The following MARCHF1 variants were observed in gnomAD, a reference collection of about 807,000 sequenced individuals.
The protein encoded by MARCHF1 is membrane associated ring-CH-type finger 1.
Under a neutral mutation model 54.2 loss-of-function variants are expected in MARCHF1, and 40 were observed. The ratio of observed to expected loss-of-function variants is 0.74; its 90% CI spans 0.57 to 0.96. The LOEUF is 0.96. Among genes scored for constraint, MARCHF1 ranks in the 40% least tolerant of loss-of-function variants. MARCHF1 has a pLI of 0.00. For missense variants in MARCHF1, 586 were observed against 656.5 expected, an observed-to-expected ratio of 0.89 and a Z score of 1.17; for synonymous variants, 236 against 236.3, an observed-to-expected ratio of 1.00 and a Z score of 0.01.
At chr4:163,892,836 G>C (rs907298413) in intron 3 of MARCHF1, among the ~76,000 whole-genome samples, 1 of 152,040 alleles carries the variant, frequency 6.6e-6, no homozygotes, top group Admixed American at 6.5e-5. Flanking sequence ...TAGACAAGAG[G>C]CTCCAGGGTT....
At chr4:164,307,029 T>C (rs1391536606) in intron 1 of MARCHF1, among the ~76,000 whole-genome samples, 8 of 152,212 alleles carry the variant, frequency 5.3e-5, no homozygotes, top group Non-Finnish European at 1.0e-4. Context: ...AGTTAAAATT[T>C]ACTTTAAACC....
intron 1 of MARCHF1, among the ~76,000 whole-genome samples, chr4:164,178,216 C>A (rs1189504782): frequency 2.0e-5 from 3 of 152,176 alleles, no homozygotes; most frequent in Admixed American, 1.3e-4. Flanking sequence ...GTGTCAACTA[C>A]TGTGTACTGT....
intron 4 of MARCHF1, among the ~76,000 whole-genome samples, chr4:163,761,659 C>G (rs962951271): frequency 6.6e-6 from 1 of 152,198 alleles, no homozygotes; most frequent in African/African-American, 2.4e-5. Flanking sequence ...TTGTTGCCCA[C>G]CCTAAGTGGA....
chr4:164,013,777 C>A (rs979150554), intron 2 of MARCHF1, among the ~76,000 whole-genome samples: 2 of 152,124 alleles, frequency 1.3e-5, no homozygotes, highest in Non-Finnish European at 2.9e-5. Context: ...TTACATTAAT[C>A]AAAGTTATCC....
intron 5 of MARCHF1, among the ~76,000 whole-genome samples, chr4:163,659,947 T>A (rs773477092): frequency 6.6e-6 from 1 of 152,098 alleles, no homozygotes; most frequent in African/African-American, 2.4e-5. Context: ...GCTTTTACAC[T>A]GTTAGTGGGA....
chr4:164,241,632 G>A (rs1732754875), intron 1 of MARCHF1, among the ~76,000 whole-genome samples: 1 of 152,184 alleles, frequency 6.6e-6, no homozygotes, highest in African/African-American at 2.4e-5. Context: ...AGCCAAGATG[G>A]CCCAATAGGA....
At chr4:163,581,797 C>G (rs1173335397) in intron 8 of MARCHF1, among the ~76,000 whole-genome samples, 1 of 152,140 alleles carries the variant, frequency 6.6e-6, no homozygotes, top group Admixed American at 6.5e-5. Context: ...ATTCTATGAA[C>G]TTTCCAATTT....
chr4:164,021,079 CT>C (rs58872172), intron 2 of MARCHF1, among the ~76,000 whole-genome samples: 32,693 of 141,138 alleles, frequency 0.23, 3,759 homozygotes, highest in Middle Eastern at 0.41. Flanking sequence ...ATTTCTGTCC[CT>C]TTTTTTTTTT....
At chr4:164,311,718 A>T (rs1379946496) in intron 1 of MARCHF1, among the ~76,000 whole-genome samples, 1 of 152,198 alleles carries the variant, frequency 6.6e-6, no homozygotes, top group Non-Finnish European at 1.5e-5. Context: ...AAGCCCATTA[A>T]ATTATTCTAC....
intron 5 of MARCHF1, among the ~76,000 whole-genome samples, chr4:163,664,983 T>C (rs867938007): frequency 6.6e-6 from 1 of 152,072 alleles, no homozygotes; most frequent in Non-Finnish European, 1.5e-5. Flanking sequence ...AGCTATATGC[T>C]AAAATAGTCA....
At chr4:164,146,639 G>C (rs1729751547) in intron 1 of MARCHF1, among the ~76,000 whole-genome samples, 1 of 151,772 alleles carries the variant, frequency 6.6e-6, no homozygotes. Context: ...GCTGAAACTG[G>C]ATCCCTTCCT....
rs536272746 is a variant in MARCHF1 at position 164,010,255 on chromosome 4, G to T, written c.-247-21546C>A. The stretch of plus-strand genomic sequence containing the variant: ...CGTTTTTTTTTGTTGTTGTTTTTTG[G>T]TTTTTTTTTTTTTCTGTATTTTTAG... On this transcript the variant is annotated intron_variant, in intron 2 of 9. Transcript: ENST00000514618. Among the ~76,000 whole-genome samples, 1,301 of 145,152 alleles carry T rather than the reference G, an allele frequency of 9.0e-3. 8 individuals are homozygous for T. Among genetic ancestry groups the T allele is most frequent in the African/African-American group, 0.017 (649 of 39,004 alleles).
intron 2 of MARCHF1, among the ~76,000 whole-genome samples, chr4:164,020,063 C>T (rs182890081): frequency 9.1e-4 from 138 of 152,296 alleles, no homozygotes; most frequent in African/African-American, 3.1e-3. Flanking sequence ...TTGCAAAGAA[C>T]TGTTTTAGTG....
intron 3 of MARCHF1, among the ~76,000 whole-genome samples, chr4:163,904,366 T>A (rs1441835643): frequency 6.6e-6 from 1 of 152,222 alleles, no homozygotes; most frequent in Non-Finnish European, 1.5e-5. Flanking sequence ...ACTGTTATAC[T>A]GGGTTATATT....
intron 3 of MARCHF1, among the ~76,000 whole-genome samples, chr4:163,981,396 G>C (rs1249539150): frequency 6.6e-6 from 1 of 152,194 alleles, no homozygotes; most frequent in Non-Finnish European, 1.5e-5. Context: ...GAAGCACTTT[G>C]TCCTTTTCTT....
chr4:163,964,229 T>C (rs1752397466), intron 3 of MARCHF1, among the ~76,000 whole-genome samples: 2 of 152,016 alleles, frequency 1.3e-5, no homozygotes, highest in African/African-American at 4.8e-5. Context: ...ATTTATGTCT[T>C]CTTTGTCACT....
chr4:164,033,985 T>C (rs1753937541), intron 2 of MARCHF1, among the ~76,000 whole-genome samples: 1 of 152,102 alleles, frequency 6.6e-6, no homozygotes, highest in South Asian at 2.1e-4. Context: ...ATACGTTTTC[T>C]GCAGCACTAT....
Position 164,092,906 on chromosome 4 carries a change from G to A in MARCHF1, c.-248+18682C>T, listed in dbSNP as rs967781443. ...AAGCTTCTCTTATTCCACATCCAAC[G>A]GTAAGAGTTAAGGAAAACTTAGATC... On this transcript the variant is annotated intron_variant, in intron 2 of 9. Coordinates refer to ENST00000514618, the MANE Select transcript of MARCHF1 (RefSeq NM_001394959.1). 2.6e-5 allele frequency among the ~76,000 whole-genome samples: 4 copies of A among 152,142 alleles called. 1 individual carries two copies. The highest frequency in any genetic ancestry group is 4.1e-4 in the South Asian group (2 of 4,820).
At chr4:163,794,658 T>C (rs1747861664) in intron 4 of MARCHF1, among the ~76,000 whole-genome samples, 1 of 152,198 alleles carries the variant, frequency 6.6e-6, no homozygotes, top group Non-Finnish European at 1.5e-5. Context: ...ATTAACCATG[T>C]ATTACATCTT....
Sources: gnomAD v4.1 joint callset for allele counts (sites outside exome capture counted in the v4.1 genomes callset) on GRCh38, gnomAD v4.1.1 for gene constraint, MANE v1.5 for transcripts, NCBI Gene and HGNC (gene_info 2026-07-23, HGNC 2026-07-21) for gene names.